Variants in LOC128462377 observed in about 807,000 individuals in gnomAD.
At chr16:89,397,790 C>A in the LOC128462377 span, among the ~76,000 whole-genome samples, 1 of 152,198 alleles carries the variant, frequency 6.6e-6, no homozygotes, top group African/African-American at 2.4e-5. Flanking sequence ...TGGAGTGGAG[C>A]CCTTGGCAGC....
the LOC128462377 span, among the ~76,000 whole-genome samples, chr16:89,362,206 C>A: frequency 6.6e-6 from 1 of 152,340 alleles, no homozygotes; most frequent in African/African-American, 2.4e-5. Context: ...CCTTCTTCTT[C>A]CCCTTCTGAA....
the LOC128462377 span, among the ~76,000 whole-genome samples, chr16:89,379,037 T>C: frequency 6.6e-6 from 1 of 152,292 alleles, no homozygotes; most frequent in African/African-American, 2.4e-5. Flanking sequence ...GGCTGAGGCA[T>C]TCACTGTCGC....
the LOC128462377 span, among the ~76,000 whole-genome samples, chr16:89,351,224 G>C: frequency 1.3e-5 from 2 of 152,188 alleles, no homozygotes; most frequent in African/African-American, 4.8e-5. Flanking sequence ...GCATGGGCGA[G>C]GGGTTCCACG....
At chr16:89,349,630 CT>C in the LOC128462377 span, among the ~76,000 whole-genome samples, 20 of 152,058 alleles carry the variant, frequency 1.3e-4, no homozygotes, top group Non-Finnish European at 2.1e-4. Flanking sequence ...CTAACCTTAC[CT>C]TATGCCATAC....
chr16:89,326,460 TAGGGCC>T, the LOC128462377 span, among the ~76,000 whole-genome samples: 2 of 147,142 alleles, frequency 1.4e-5, no homozygotes, highest in Non-Finnish European at 3.0e-5. Context: ...ATTACACAAA[TAGGGCC>T]AGGCACGGTG....
the LOC128462377 span, among the ~76,000 whole-genome samples, chr16:89,416,974 C>G: frequency 6.6e-6 from 1 of 152,056 alleles, no homozygotes; most frequent in Non-Finnish European, 1.5e-5. Flanking sequence ...ACCTCCAGAT[C>G]TTGAAAAATG....
At chr16:89,388,012 C>CAAA in the LOC128462377 span, among the ~76,000 whole-genome samples, 1 of 94,008 alleles carries the variant, frequency 1.1e-5, no homozygotes. Flanking sequence ...GACTCCATCT[C>CAAA]AAAAAAAAAA....
At chr16:89,378,535 T>G in the LOC128462377 span, among the ~76,000 whole-genome samples, 1 of 152,208 alleles carries the variant, frequency 6.6e-6, no homozygotes, top group Non-Finnish European at 1.5e-5. Context: ...AAGCTAAATG[T>G]ACGTGCTATA....
chr16:89,387,056 G>C, the LOC128462377 span, among the ~76,000 whole-genome samples: 2 of 152,110 alleles, frequency 1.3e-5, no homozygotes, highest in African/African-American at 4.8e-5. Flanking sequence ...AGACCTCCTG[G>C]AAGGTGCAGG....
At chr16:89,323,544 G>GAGGGCAGGGGGGCAGAGCCC in the LOC128462377 span, among the ~76,000 whole-genome samples, 5 of 24,402 alleles carry the variant, frequency 2.0e-4, no homozygotes, top group East Asian at 9.5e-4. Flanking sequence ...GGGCTGAGCC[G>GAGGGCAGGGGGGCAGAGCCC]AGGGCAGGGG....
the LOC128462377 span, among the ~76,000 whole-genome samples, chr16:89,350,273 G>C: frequency 6.6e-6 from 1 of 152,156 alleles, no homozygotes; most frequent in African/African-American, 2.4e-5. Context: ...GAGTCTGGCA[G>C]GTTCTTAACA....
the LOC128462377 span, among the ~76,000 whole-genome samples, chr16:89,357,708 T>A: frequency 6.6e-6 from 1 of 152,142 alleles, no homozygotes; most frequent in East Asian, 1.9e-4. Flanking sequence ...CAGCCAATGC[T>A]GCGGACTCCA....
At chr16:89,376,731 G>A in the LOC128462377 span, among the ~76,000 whole-genome samples, 5 of 152,300 alleles carry the variant, frequency 3.3e-5, no homozygotes, top group South Asian at 2.1e-4. Flanking sequence ...GCGCCACCAC[G>A]CCTGGCCCTG....
chr16:89,352,286 C>T, the LOC128462377 span, among the ~76,000 whole-genome samples: 1 of 151,878 alleles, frequency 6.6e-6, no homozygotes, highest in East Asian at 1.9e-4. Context: ...TCACAGTGGC[C>T]AGGTATGCAT....
chr16:89,415,302 TCGCCCAG>T, the LOC128462377 span, among the ~76,000 whole-genome samples: 3 of 121,222 alleles, frequency 2.5e-5, no homozygotes, highest in Non-Finnish European at 3.4e-5. Flanking sequence ...TCTCCCTCTG[TCGCCCAG>T]GCTGGAGCGC....
At chr16:89,356,603 C>T in the LOC128462377 span, among the ~76,000 whole-genome samples, 13 of 145,806 alleles carry the variant, frequency 8.9e-5, no homozygotes, top group South Asian at 2.1e-4. Flanking sequence ...AACCCCATCT[C>T]TACTAAAAAT....
At chr16:89,335,942 A>T in the LOC128462377 span, among the ~76,000 whole-genome samples, 3 of 152,218 alleles carry the variant, frequency 2.0e-5, no homozygotes, top group African/African-American at 7.2e-5. Context: ...CATCCGCCGC[A>T]AACATGACCG....
chr16:89,341,987 A>ACTG, the LOC128462377 span, among the ~76,000 whole-genome samples: 14 of 146,688 alleles, frequency 9.5e-5, no homozygotes, highest in African/African-American at 3.3e-4. Flanking sequence ...CTGCACCTCC[A>ACTG]CCCACAGCGG....
the LOC128462377 span, among the ~76,000 whole-genome samples, chr16:89,346,250 G>GAAAAAAAAAAAAAAAAA: frequency 1.0e-5 from 1 of 96,878 alleles, no homozygotes; most frequent in African/African-American, 4.1e-5. Context: ...CCCGTCTCAG[G>GAAAAAAAAAAAAAAAAA]AAAAAAAAAA....
Sources: gnomAD v4.1 joint callset for allele counts (sites outside exome capture counted in the v4.1 genomes callset) on GRCh38, gnomAD v4.1.1 for gene constraint, MANE v1.5 for transcripts.